SLF1: variants seen among roughly 807,000 people sequenced by gnomAD.
SLF1 encodes the protein SMC5/6 complex localization factor 1, also known as SMC5-SMC6 complex localization factor protein 1.
In SLF1, 105 loss-of-function variants were observed where a neutral mutation model predicts 123.0. That is an observed-to-expected ratio of 0.85 (90% confidence interval 0.73 to 1.00). The LOEUF is 1.00. SLF1 is among the 50% of genes least tolerant of loss of function. SLF1 has a pLI of 0.00. For synonymous variants in SLF1, 434 were observed against 406.6 expected, an observed-to-expected ratio of 1.07 and a Z score of -0.81; for missense variants, 1,239 against 1,223.0, an observed-to-expected ratio of 1.01 and a Z score of -0.20.
At chr5:94,691,261 A>G (rs1284890018) in intron 18 of SLF1, 1 of 277,848 alleles carries the variant, frequency 3.6e-6, no homozygotes, top group Non-Finnish European at 6.7e-6. Context: ...GGGGTTTTAT[A>G]GCAGGATTGA....
chr5:94,688,203 C>T (rs1752673631), intron 16 of SLF1, among the ~76,000 whole-genome samples: 1 of 151,888 alleles, frequency 6.6e-6, no homozygotes, highest in Admixed American at 6.6e-5. Context: ...ATAAAATGTG[C>T]AAATGAATCA....
intron 4 of SLF1, 147 bp from the exon 5 acceptor site, chr5:94,643,126 G>T: frequency 1.9e-6 from 1 of 521,904 alleles, no homozygotes; most frequent in Non-Finnish European, 3.3e-6. Context: ...AATTGCAGCC[G>T]TGTTCTCTGT....
intron 4 of SLF1, among the ~76,000 whole-genome samples, chr5:94,637,148 G>GT (rs2152470375): frequency 6.6e-6 from 1 of 152,290 alleles, no homozygotes; most frequent in South Asian, 2.1e-4. Context: ...TAATCTTTGA[G>GT]TTTTTGCATT....
At chr5:94,691,921 A>T (rs1264012563) in intron 19 of SLF1, among the ~76,000 whole-genome samples, 153 bp from the exon 20 acceptor site, 1 of 152,168 alleles carries the variant, frequency 6.6e-6, no homozygotes, top group Non-Finnish European at 1.5e-5. Context: ...TAAGGTAGAA[A>T]TATGATTACA....
intron 15 of SLF1, among the ~76,000 whole-genome samples, chr5:94,679,741 T>C (rs1271582510): frequency 1.3e-5 from 2 of 152,208 alleles, no homozygotes; most frequent in Non-Finnish European, 2.9e-5. Context: ...CATTACCTAC[T>C]TTAAAGTCTC....
chr5:94,686,818 T>C (rs1585234354), intron 16 of SLF1, 100 bp downstream of exon 16: 1 of 1,338,024 alleles, frequency 7.5e-7, no homozygotes, highest in Non-Finnish European at 1.0e-6. Context: ...GATGGAGGCT[T>C]GCTCTGTCGC....
chr5:94,682,325 C>CT (rs1200035118), intron 15 of SLF1, among the ~76,000 whole-genome samples: 3 of 152,084 alleles, frequency 2.0e-5, no homozygotes, highest in Admixed American at 2.0e-4. Flanking sequence ...TCTGCCACCT[C>CT]TTTTTTTCCC....
intron 10 of SLF1, among the ~76,000 whole-genome samples, chr5:94,663,277 C>T (rs1485583913): frequency 6.6e-6 from 1 of 152,176 alleles, no homozygotes; most frequent in African/African-American, 2.4e-5. Flanking sequence ...TACATATCAT[C>T]CTCTTTGAAC....
chr5:94,641,426 T>C (rs1435695117), intron 4 of SLF1, among the ~76,000 whole-genome samples: 1 of 152,210 alleles, frequency 6.6e-6, no homozygotes, highest in Non-Finnish European at 1.5e-5. Context: ...CTTATTTTTC[T>C]TATAAATTAC....
chr5:94,632,358 T>C (rs1745304348), intron 4 of SLF1, among the ~76,000 whole-genome samples: 1 of 152,198 alleles, frequency 6.6e-6, no homozygotes, highest in African/African-American at 2.4e-5. Flanking sequence ...TTAAAAGTTG[T>C]TTTAGTGAAT....
Position 94,629,107 on chromosome 5 carries a change from A to G in SLF1, c.130A>G (p.Thr44Ala). 1.3e-6 allele frequency: 2 copies of G among 1,544,170 alleles called. No homozygotes were observed. The highest frequency in any genetic ancestry group is 2.5e-5 in the East Asian group (1 of 40,716). Reference protein sequence around the residue: ...FIKSEKYKNCTHLIAERLCKS... With the variant: ...FIKSEKYKNCAHLIAERLCKS... The stretch of plus-strand genomic sequence containing the variant: ...TTCCCTCCAGAAATACAAAAATTGT[A>G]CACATCTTATAGCTGAACGCCTATG... The change falls in exon 3 of 21, where the codon ACA becomes GCA. Residue 44 changes from threonine to alanine, a missense_variant. Transcript: ENST00000265140.
At position 94,653,261 on chromosome 5, in the gene SLF1, A is replaced by C; in HGVS notation, c.883-11A>C. 6.6e-7 allele frequency: 1 copy of C among 1,511,412 alleles called. No homozygotes were observed. Among genetic ancestry groups the C allele is most frequent in the South Asian group, 1.3e-5 (1 of 78,548 alleles). 93.6% of individuals were successfully genotyped at this position (1,511,412 alleles called of 1,614,324 possible). A position where few individuals can be genotyped will look rare whatever the true frequency, so the allele number is the denominator to read the frequency against. ...GATGTTGAGATTTAATTGTGGTCTA[A>C]ATACATGTAGAAGGAAATTAAGAAA... is the stretch of plus-strand genomic sequence containing the variant. On this transcript the variant is annotated splice_polypyrimidine_tract_variant and intron_variant, in intron 7 of 20. Coordinates refer to ENST00000265140, the MANE Select transcript of SLF1 (RefSeq NM_032290.4).
At chr5:94,680,993 CTA>C (rs1422462141) in intron 15 of SLF1, among the ~76,000 whole-genome samples, 1 of 152,216 alleles carries the variant, frequency 6.6e-6, no homozygotes, top group African/African-American at 2.4e-5. Flanking sequence ...TAAATTGTCA[CTA>C]TTGAAAAGTA....
chr5:94,654,144 TG>T (rs1260798510), intron 8 of SLF1, among the ~76,000 whole-genome samples: 15 of 152,238 alleles, frequency 9.9e-5, no homozygotes, highest in Admixed American at 9.8e-4. Context: ...CACTCCAGCC[TG>T]GGTGACAAGA....
At chr5:94,686,855 G>A (rs1037672216) in intron 16 of SLF1, 137 bp downstream of exon 16, 15 of 1,007,566 alleles carry the variant, frequency 1.5e-5, no homozygotes, top group African/African-American at 3.3e-5. Flanking sequence ...TGGCGCAATC[G>A]CGGCTCACTG....
At position 94,628,920 on chromosome 5, in the gene SLF1, G is replaced by T; in HGVS notation, c.110G>T (p.Ser37Ile). 1 of 1,536,816 alleles carries T rather than the reference G, an allele frequency of 6.5e-7. No homozygotes were observed. Among genetic ancestry groups the T allele is most frequent in the South Asian group, 1.2e-5 (1 of 81,678 alleles). ...LLKLDCTFIK[S>I]EKYKNCTHLI... Reference sequence around the variant, plus strand: ...AAACTAGATTGCACTTTTATTAAGAGTGAGGTAAGAAACTTATCAAAATGT... The same window carrying T: ...AAACTAGATTGCACTTTTATTAAGATTGAGGTAAGAAACTTATCAAAATGT... The change falls in exon 2 of 21, where the codon AGT (serine) becomes ATT (isoleucine). Residue 37 changes from serine (S) to isoleucine (I), a missense_variant. By Grantham distance (142) the Ser-to-Ile change is moderately radical (BLOSUM62 -2). Coordinates refer to ENST00000265140, the MANE Select transcript of SLF1 (RefSeq NM_032290.4).
At chr5:94,641,755 C>T (rs1008164169) in intron 4 of SLF1, among the ~76,000 whole-genome samples, 3 of 152,204 alleles carry the variant, frequency 2.0e-5, no homozygotes, top group Admixed American at 2.0e-4. Context: ...AGACAAGCTT[C>T]ACCCTTAAGC....
At position 94,694,962 on chromosome 5, in the gene SLF1, G is replaced by A. The variant is rs767115864; in HGVS notation, c.2827G>A (p.Ala943Thr). Reference sequence around the variant, plus strand: ...TACAGTGGAGAACTTTCATGCACAAGCAGAGAAACATTTTCATTACCAGCA... The same window carrying A: ...TACAGTGGAGAACTTTCATGCACAAACAGAGAAACATTTTCATTACCAGCA... The part of the protein sequence containing the change: ...EDTVENFHAQ[A>T]EKHFHYQQLE... The change falls in exon 21 of 21, where the codon GCA (alanine) becomes ACA (threonine). Residue 943 changes from alanine (A) to threonine (T), a missense_variant. Ala to Thr is a moderately conservative substitution (Grantham distance 58). Coordinates refer to ENST00000265140, the MANE Select transcript of SLF1 (RefSeq NM_032290.4). 1.2e-6 allele frequency: 2 copies of A among 1,612,658 alleles called. No homozygotes were observed. The highest frequency in any genetic ancestry group is 1.1e-5 in the South Asian group (1 of 91,020).
intron 14 of SLF1, 39 bp downstream of exon 14, chr5:94,671,047 A>T: frequency 7.4e-7 from 1 of 1,342,924 alleles, no homozygotes; most frequent in Non-Finnish European, 1.0e-6. Context: ...GTCTATGGAA[A>T]CAGCACTTTG....
Sources: gnomAD v4.1 joint callset for allele counts (sites outside exome capture counted in the v4.1 genomes callset) on GRCh38, gnomAD v4.1.1 for gene constraint, MANE v1.5 for transcripts, NCBI Gene and HGNC (gene_info 2026-07-23, HGNC 2026-07-21) for gene names.